TTBK2: variants seen among roughly 807,000 people sequenced by gnomAD.
The protein encoded by TTBK2 is tau tubulin kinase 2, also known as tau-tubulin kinase 2.
Under a neutral mutation model 110.8 loss-of-function variants are expected in TTBK2, and 28 were observed. The observed-to-expected ratio is 0.25, with a 90% CI of 0.19 to 0.35. TTBK2 has a LOEUF of 0.35. Among genes scored for constraint, TTBK2 ranks in the 10% least tolerant of loss-of-function variants. The pLI is 1.00. For missense variants in TTBK2, 1,369 were observed against 1,500.3 expected, an observed-to-expected ratio of 0.91 and a Z score of 1.45; for synonymous variants, 532 against 527.3, an observed-to-expected ratio of 1.01 and a Z score of -0.12.
chr15:42,915,844 G>A (rs1443351051), intron 1 of TTBK2, among the ~76,000 whole-genome samples: 1 of 152,068 alleles, frequency 6.6e-6, no homozygotes, highest in African/African-American at 2.4e-5. Context: ...CTACCCAGGA[G>A]GCTAAGGGGG....
At chr15:42,845,592 C>G (rs1242346592) in intron 3 of TTBK2, among the ~76,000 whole-genome samples, 1 of 116,086 alleles carries the variant, frequency 8.6e-6, no homozygotes, top group Non-Finnish European at 1.6e-5. Context: ...CGAGATCGCA[C>G]AATTGCACTC....
In TTBK2 at chr15:42,818,234, T is replaced by A. The variant is rs554420967; in HGVS notation, c.538-1137A>T. Among the ~76,000 whole-genome samples, 3 of 152,286 alleles carry A rather than the reference T, an allele frequency of 2.0e-5. No homozygotes were observed. In the South Asian group the frequency reaches 6.2e-4, roughly 32 times the overall value. On this transcript the variant is annotated intron_variant, in intron 6 of 14. Coordinates refer to ENST00000267890, the MANE Select transcript of TTBK2 (RefSeq NM_173500.4). ...GGAACTACTGGAATGTGCCACTACA[T>A]AGGGCTAATCTATTTTAATTTGTTT... is the stretch of plus-strand genomic sequence containing the variant.
At chr15:42,860,114 T>A (rs1186018492) in intron 3 of TTBK2, among the ~76,000 whole-genome samples, 4 of 151,368 alleles carry the variant, frequency 2.6e-5, no homozygotes, top group South Asian at 4.2e-4. Context: ...ATAAAAGACA[T>A]AACACAACCA....
chr15:42,784,537 C>A (rs191910320), intron 10 of TTBK2, among the ~76,000 whole-genome samples: 185 of 152,306 alleles, frequency 1.2e-3, no homozygotes, highest in African/African-American at 4.1e-3. Context: ...CTTGGCCTAC[C>A]AAAGTGCTGG....
At chr15:42,867,079 C>A (rs2141100464) in intron 3 of TTBK2, among the ~76,000 whole-genome samples, 1 of 151,720 alleles carries the variant, frequency 6.6e-6, no homozygotes, top group Admixed American at 6.6e-5. Flanking sequence ...CCCGTCTCTA[C>A]TAAAAATACA....
chr15:42,747,184 T>C (rs2061804636), intron 14 of TTBK2, among the ~76,000 whole-genome samples: 1 of 152,024 alleles, frequency 6.6e-6, no homozygotes, highest in Non-Finnish European at 1.5e-5. Flanking sequence ...CCCAGGCTGG[T>C]GTCAAACTCC....
At chr15:42,899,203 G>A (rs909754780) in intron 1 of TTBK2, among the ~76,000 whole-genome samples, 1 of 151,334 alleles carries the variant, frequency 6.6e-6, no homozygotes, top group African/African-American at 2.4e-5. Flanking sequence ...TTACTATATT[G>A]CCCAGGCTGG....
intron 11 of TTBK2, among the ~76,000 whole-genome samples, chr15:42,778,538 C>T (rs1477689465): frequency 6.6e-6 from 1 of 152,076 alleles, no homozygotes; most frequent in Non-Finnish European, 1.5e-5. Flanking sequence ...CATGGTGGCA[C>T]ACGCCTGTAA....
Position 42,842,834 on chromosome 15 carries a change from G to T in TTBK2, c.218-2401C>A, listed in dbSNP as rs140859124. 3.9e-3 allele frequency among the ~76,000 whole-genome samples: 598 copies of T among 151,982 alleles called. 2 individuals are homozygous for T. Among genetic ancestry groups the T allele is most frequent in the African/African-American group, 0.014 (572 of 41,424 alleles). Reference sequence around the variant, plus strand: ...AAGGGGGTATAAGCTAGCAAGAATGGGTGCAATGGAGAACACAATAATTCA... The same window carrying T: ...AAGGGGGTATAAGCTAGCAAGAATGTGTGCAATGGAGAACACAATAATTCA... On this transcript the variant is annotated intron_variant, in intron 3 of 14. Coordinates refer to ENST00000267890, the MANE Select transcript of TTBK2 (RefSeq NM_173500.4).
chr15:42,756,983 G>A (rs1298294684), intron 13 of TTBK2, among the ~76,000 whole-genome samples: 1 of 152,096 alleles, frequency 6.6e-6, no homozygotes, highest in African/African-American at 2.4e-5. Flanking sequence ...ATGATAAACT[G>A]TGCATAAACT....
chr15:42,778,290 C>CAAAAA (rs55838282), intron 11 of TTBK2, among the ~76,000 whole-genome samples: 2 of 127,582 alleles, frequency 1.6e-5, no homozygotes, highest in Non-Finnish European at 1.6e-5. Context: ...AGCAAGTAAG[C>CAAAAA]AAAAAAAAAA....
At chr15:42,796,022 T>A (rs191303412) in intron 9 of TTBK2, among the ~76,000 whole-genome samples, 1 of 152,088 alleles carries the variant, frequency 6.6e-6, no homozygotes, top group Non-Finnish European at 1.5e-5. Context: ...CCTGAGCCAC[T>A]GGGTCAGTGC....
At position 42,741,867 on chromosome 15, in the gene TTBK2, A is replaced by G. The variant is rs921382594; in HGVS notation, c.*3928T>C. The G allele has an allele frequency of 6.6e-6, 1 of 152,148 alleles. No homozygotes were observed. The highest frequency in any genetic ancestry group is 1.5e-5 in the Non-Finnish European group (1 of 68,010). The allele number at this position is 152,148 out of a possible 1,614,324, so 9.4% of individuals were successfully genotyped here. A position where few individuals can be genotyped will look rare whatever the true frequency, so the allele number is the denominator to read the frequency against. ...CCAATTCCTAATGTTAGGAATGTAG[A>G]ACTGTCTGCTCTTGGGGAAAAAAAA... On this transcript the variant is annotated 3_prime_UTR_variant, in exon 15 of 15. Coordinates refer to ENST00000267890, the MANE Select transcript of TTBK2 (RefSeq NM_173500.4).
chr15:42,915,781 T>C (rs1017155497), intron 1 of TTBK2, among the ~76,000 whole-genome samples: 31 of 152,016 alleles, frequency 2.0e-4, no homozygotes, highest in African/African-American at 7.5e-4. Flanking sequence ...ACCCCACCTA[T>C]ACAAAAAATT....
intron 14 of TTBK2, among the ~76,000 whole-genome samples, chr15:42,748,003 T>A (rs2061818717): frequency 6.6e-6 from 1 of 152,180 alleles, no homozygotes; most frequent in African/African-American, 2.4e-5. Context: ...ATATTAGGGT[T>A]GAAGGACCTT....
rs1383043657 is a variant in TTBK2, at chr15:42,739,959, T to C, written c.*5836A>G. ...CTATATAAAAACTTGGTTTACTCAA[T>C]GTTTTTAATTAGGCGAGTGAACACT... On this transcript the variant is annotated 3_prime_UTR_variant, in exon 15 of 15. Transcript: ENST00000267890. 1 of 152,228 alleles carries C rather than the reference T, an allele frequency of 6.6e-6. No individual in the cohort carries two copies. Among genetic ancestry groups the C allele is most frequent in the Non-Finnish European group, 1.5e-5 (1 of 68,034 alleles). 9.4% of individuals were successfully genotyped at this position (152,228 alleles called of 1,614,324 possible).
chr15:42,842,752 CCTGT>C (rs1378686129), intron 3 of TTBK2, among the ~76,000 whole-genome samples: 2 of 150,778 alleles, frequency 1.3e-5, no homozygotes, highest in Non-Finnish European at 2.9e-5. Flanking sequence ...TTTTTTTGCA[CCTGT>C]GTTATCAACC....
At chr15:42,759,119 C>T (rs2061987292) in intron 13 of TTBK2, among the ~76,000 whole-genome samples, 1 of 152,218 alleles carries the variant, frequency 6.6e-6, no homozygotes, top group Non-Finnish European at 1.5e-5. Flanking sequence ...ATGTCATGAC[C>T]CTGACTGCTT....
rs139800245 is a variant in TTBK2, at chr15:42,835,639, A to T, written c.291+4721T>A. Among the ~76,000 whole-genome samples the T allele has an allele frequency of 1.5e-3, 224 of 152,290 alleles. 1 individual carries two copies. The highest frequency in any genetic ancestry group is 4.4e-3 in the African/African-American group (185 of 41,580). On this transcript the variant is annotated intron_variant, in intron 4 of 14. Coordinates refer to ENST00000267890, the MANE Select transcript of TTBK2 (RefSeq NM_173500.4). The stretch of plus-strand genomic sequence containing the variant: ...CAAATAAACCAAATGTAAAAAAAAA[A>T]ATATTTATTAAAGAGATGGACGATC...
Sources: gnomAD v4.1 joint callset for allele counts (sites outside exome capture counted in the v4.1 genomes callset) on GRCh38, gnomAD v4.1.1 for gene constraint, MANE v1.5 for transcripts, NCBI Gene and HGNC (gene_info 2026-07-23, HGNC 2026-07-21) for gene names.